Variants in PLOD3 observed in about 807,000 individuals in gnomAD.
PLOD3 encodes the protein multifunctional procollagen lysine hydroxylase and glycosyltransferase LH3.
A neutral mutation model predicts 96.9 loss-of-function variants in PLOD3; 73 were observed. The ratio of observed to expected loss-of-function variants is 0.75; its 90% CI spans 0.62 to 0.92. The LOEUF (loss-of-function observed/expected upper bound fraction) is 0.92, where lower values mean the gene tolerates loss of function less well. Among genes scored for constraint, PLOD3 ranks in the 40% least tolerant of loss-of-function variants. The pLI is 0.00. For synonymous variants in PLOD3, 454 were observed against 413.7 expected (o/e 1.10, Z -1.18); for missense variants, 1,004 against 1,004.3 (o/e 1.00, Z 0.00).
intron 14 of PLOD3, 68 bp from the exon 15 acceptor site, chr7:101,210,229 C>T (rs1467774205): frequency 2.0e-6 from 3 of 1,485,684 alleles, no homozygotes; most frequent in South Asian, 1.2e-5. Context: ...GGACCGCCCC[C>T]TCCCACTCAG....
chr7:101,210,609 C>G lies in PLOD3; in HGVS notation c.1423G>C (p.Glu475Gln). Reference sequence around the variant, plus strand: ...GAGAACACATCCCTCTGGGGCAGCTCCATCCGCAGGGTATCACCCCGGATC... The same window carrying G: ...GAGAACACATCCCTCTGGGGCAGCTGCATCCGCAGGGTATCACCCCGGATC... ...YVIRGDTLRM[E>Q]LPQRDVFSGS... The change falls in exon 13 of 19, where the codon GAG becomes CAG. Residue 475 changes from glutamate (E) to glutamine (Q), a missense_variant. Around this residue, in one of 5 missense-constraint regions of PLOD3, gnomAD observed 690 missense variants for 650.2 expected, o/e 1.06. Transcript: ENST00000223127. The G allele has an allele frequency of 6.2e-7, 1 of 1,614,178 alleles. No homozygotes were observed. Among genetic ancestry groups the G allele is most frequent in the Non-Finnish European group, 8.5e-7 (1 of 1,180,000 alleles).
Position 101,212,851 on chromosome 7 carries a change from C to T in PLOD3, c.870G>A (p.Pro290=), listed in dbSNP as rs777854009. 3.4e-5 allele frequency: 55 copies of T among 1,611,520 alleles called. No individual in the cohort carries two copies. The highest frequency in any genetic ancestry group is 2.2e-4 in the South Asian group (20 of 90,988). ...GGCACCCCCACCTCACCTGCCCCCC[C>T]GGGAGTGTCCTCCGGTCCTGGTTGC... ...GFCNQDRRTL[P]GGQPPPRVFL... Residue 290 remains proline (P), a synonymous_variant, in exon 8 of 19, where the codon CCG becomes CCA. Transcript: ENST00000223127.
intron 12 of PLOD3, chr7:101,211,132 C>G (rs1798174794): frequency 4.6e-6 from 1 of 216,144 alleles, no homozygotes; most frequent in African/African-American, 2.3e-5. Flanking sequence ...CCACCTGCCT[C>G]TGCCTTCCAA....
chr7:101,206,115 G>T lies in PLOD3; in HGVS notation c.*166C>A. 1.3e-6 allele frequency: 1 copy of T among 796,248 alleles called. No individual in the cohort carries two copies. Among genetic ancestry groups the T allele is most frequent in the South Asian group, 1.4e-5 (1 of 69,610 alleles). The allele number at this position is 796,248 out of a possible 1,614,324, so 49.3% of individuals were successfully genotyped here. A position where few individuals can be genotyped will look rare whatever the true frequency, so the allele number is the denominator to read the frequency against. Reference sequence around the variant, plus strand: ...GAGGCGGGGACTCCGGGAGCTTCCTGAGAGGGCCGTGTCTTGGGAGCAAGG... The same window carrying T: ...GAGGCGGGGACTCCGGGAGCTTCCTTAGAGGGCCGTGTCTTGGGAGCAAGG... On this transcript the variant is annotated 3_prime_UTR_variant, in exon 19 of 19. Transcript: ENST00000223127.
intron 7 of PLOD3, 39 bp from the exon 8 acceptor site, chr7:101,212,982 C>A (rs368508987): frequency 1.0e-4 from 157 of 1,507,642 alleles, no homozygotes; most frequent in Non-Finnish European, 1.4e-4. Context: ...CTGAGGCCTC[C>A]AGGGGTGGAG....
rs757215493 is a variant in PLOD3, at chr7:101,217,303, G to A, written c.-29C>T. 1.4e-6 allele frequency: 2 copies of A among 1,395,210 alleles called. No individual in the cohort carries two copies. The highest frequency in any genetic ancestry group is 1.9e-6 in the Non-Finnish European group (2 of 1,072,956). The allele number at this position is 1,395,210 out of a possible 1,614,324, so 86.4% of individuals were successfully genotyped here. On this transcript the variant is annotated 5_prime_UTR_variant, in exon 1 of 19. Coordinates refer to ENST00000223127, the MANE Select transcript of PLOD3 (RefSeq NM_001084.5). ...GGGGAGCGGGCCCAGACAGCACCCA[G>A]GATCCTGGGATCTCCGCTACGCGCC... is the stretch of plus-strand genomic sequence containing the variant.
In PLOD3 at chr7:101,211,839, A is replaced by G. The variant is rs906020539; in HGVS notation, c.1232+7T>C. On this transcript the variant is annotated splice_region_variant and intron_variant, in intron 11 of 18. Transcript: ENST00000223127. ...CCCTCCGGCTGCGGGGAGAGGGGGT[A>G]AGCCACCTGTTCTCCTCAATGAGGA... 6.2e-7 allele frequency: 1 copy of G among 1,607,854 alleles called. No homozygotes were observed. The highest frequency in any genetic ancestry group is 1.7e-5 in the Admixed American group (1 of 59,536).
chr7:101,209,210 CTTT>C (rs985937235), intron 15 of PLOD3, among the ~76,000 whole-genome samples: 11 of 143,232 alleles, frequency 7.7e-5, no homozygotes, highest in African/African-American at 2.0e-4. Context: ...GTGCATACCT[CTTT>C]TTTTTTTTTT....
At position 101,206,168 on chromosome 7, in the gene PLOD3, C is replaced by T; in HGVS notation, c.*113G>A. The T allele has an allele frequency of 1.8e-6, 2 of 1,109,684 alleles. No homozygotes were observed. Among genetic ancestry groups the T allele is most frequent in the Admixed American group, 1.7e-5 (1 of 59,404 alleles). The allele number at this position is 1,109,684 out of a possible 1,614,324, so 68.7% of individuals were successfully genotyped here. On this transcript the variant is annotated 3_prime_UTR_variant, in exon 19 of 19. Coordinates refer to ENST00000223127, the MANE Select transcript of PLOD3 (RefSeq NM_001084.5). Reference sequence around the variant, plus strand: ...ACATATTCAGTTCAGGCACGCGGAACATGAACTCAGGAAGTGGGGAGACAG... The same window carrying T: ...ACATATTCAGTTCAGGCACGCGGAATATGAACTCAGGAAGTGGGGAGACAG...
At position 101,215,220 on chromosome 7, in the gene PLOD3, TTC is replaced by T. The variant is rs910108513; in HGVS notation, c.616-70_616-69del. 1.9e-4 allele frequency: 219 copies of T among 1,160,360 alleles called. 1 individual carries two copies. Among genetic ancestry groups the T allele is most frequent in the Admixed American group, 1.9e-4 (11 of 59,396 alleles). 71.9% of individuals were successfully genotyped at this position (1,160,360 alleles called of 1,614,324 possible). On this transcript the variant is annotated intron_variant, in intron 5 of 18. Transcript: ENST00000223127. The stretch of plus-strand genomic sequence containing the variant: ...GTGGAAAGGACATCATTTCTCACTT[TTC>T]TCTCTCTTTTTTTCTTCTCTTGCTT...
chr7:101,212,897 G>T lies in PLOD3; in HGVS notation c.824C>A (p.Pro275His), dbSNP rs751691127. 6.2e-7 allele frequency: 1 copy of T among 1,613,906 alleles called. No homozygotes were observed. The highest frequency in any genetic ancestry group is 8.5e-7 in the Non-Finnish European group (1 of 1,179,876). Residue 275 changes from proline to histidine, a missense_variant, in exon 8 of 19, where the codon CCT becomes CAT. This residue lies in a region of PLOD3 where 690 missense variants were observed against 650.2 expected (regional missense o/e 1.06). Coordinates refer to ENST00000223127, the MANE Select transcript of PLOD3 (RefSeq NM_001084.5). ...LGNYVPNGWT[P>H]EGGCGFCNQD... ...GTTGCAGAAGCCACAGCCTCCCTCAGGAGTCCAGCCATTGGGGACGTAGTT... is the reference window on the plus strand; with the variant it reads ...GTTGCAGAAGCCACAGCCTCCCTCATGAGTCCAGCCATTGGGGACGTAGTT...
chr7:101,212,973 T>G (rs1200951682), intron 7 of PLOD3, 30 bp from the exon 8 acceptor site: 4 of 1,538,488 alleles, frequency 2.6e-6, no homozygotes, highest in African/African-American at 1.4e-5. Flanking sequence ...GCTGAGTGGC[T>G]GAGGCCTCCA....
Position 101,207,865 on chromosome 7 carries a change from G to A in PLOD3, c.1789-141C>T, listed in dbSNP as rs75005362. 9.7e-3 allele frequency: 8,725 copies of A among 903,790 alleles called. 171 individuals carry two copies. Among genetic ancestry groups the A allele is most frequent in the East Asian group, 0.078 (2,938 of 37,792 alleles). 56.0% of individuals were successfully genotyped at this position (903,790 alleles called of 1,614,324 possible). ...AGAACAGTCTTCTTTGCTACTTCTCGGCCTGACTCACTGCTCCCGGCCCTT... is the reference window on the plus strand; with the variant it reads ...AGAACAGTCTTCTTTGCTACTTCTCAGCCTGACTCACTGCTCCCGGCCCTT... On this transcript the variant is annotated intron_variant, in intron 16 of 18. Coordinates refer to ENST00000223127, the MANE Select transcript of PLOD3 (RefSeq NM_001084.5).
intron 17 of PLOD3, among the ~76,000 whole-genome samples, chr7:101,207,278 C>T (rs931807606): frequency 6.6e-6 from 1 of 151,910 alleles, no homozygotes; most frequent in African/African-American, 2.4e-5. Flanking sequence ...GCCCGGCCAT[C>T]GCAGGGTGTC....
Position 101,215,070 on chromosome 7 carries a change from C to T in PLOD3, c.679+19G>A, listed in dbSNP as rs540323862. On this transcript the variant is annotated intron_variant, in intron 6 of 18. Transcript: ENST00000223127. ...GCAGAGGCTGCGCATCGCCCACCTG[C>T]GGCTGTCTTCCTCCTCACCTAAAGC... 862 of 1,594,440 alleles carry T rather than the reference C, an allele frequency of 5.4e-4. 6 individuals are homozygous for T. The South Asian group carries it at 8.8e-3, about 16-fold the overall frequency.
chr7:101,215,015 G>T, intron 6 of PLOD3, 74 bp downstream of exon 6: 1 of 1,142,096 alleles, frequency 8.8e-7, no homozygotes, highest in Non-Finnish European at 1.3e-6. Flanking sequence ...AGCTCCTCCA[G>T]AAGCCTCTCC....
chr7:101,216,950 G>T (rs1798287307), intron 1 of PLOD3, 164 bp from the exon 2 acceptor site: 1 of 742,090 alleles, frequency 1.3e-6, no homozygotes, highest in Non-Finnish European at 2.3e-6. Context: ...GGGTGGGAGT[G>T]GTGCCCAGGA....
chr7:101,217,319 G>T lies in PLOD3; in HGVS notation c.-45C>A. 2 of 1,363,566 alleles carry T rather than the reference G, an allele frequency of 1.5e-6. No homozygotes were observed. The highest frequency in any genetic ancestry group is 1.9e-6 in the Non-Finnish European group (2 of 1,056,640). The allele number at this position is 1,363,566 out of a possible 1,614,324, so 84.5% of individuals were successfully genotyped here. ...CAGCACCCAGGATCCTGGGATCTCC[G>T]CTACGCGCCTGGATCCCAGCTCCGG... On this transcript the variant is annotated 5_prime_UTR_variant, in exon 1 of 19. Coordinates refer to ENST00000223127, the MANE Select transcript of PLOD3 (RefSeq NM_001084.5).
chr7:101,213,463 G>A, intron 6 of PLOD3: 4 of 548,040 alleles, frequency 7.3e-6, no homozygotes, highest in South Asian at 4.2e-5. Flanking sequence ...AGGCCAGTAG[G>A]AGCCTCAGCA....
Sources: gnomAD v4.1 joint callset for allele counts (sites outside exome capture counted in the v4.1 genomes callset) on GRCh38, gnomAD v4.1.1 for gene constraint, gnomAD v4.1.1 regional missense constraint, MANE v1.5 for transcripts, NCBI Gene and HGNC (gene_info 2026-07-23, HGNC 2026-07-21) for gene names.